Variants in BRWD1 observed in about 807,000 individuals in gnomAD.
BRWD1 encodes bromodomain and WD repeat-containing protein 1.
A neutral mutation model predicts 251.2 loss-of-function variants in BRWD1; 82 were observed. That is an observed-to-expected ratio of 0.33 (90% CI 0.27 to 0.39). BRWD1 has a LOEUF of 0.39. Ranked by LOEUF, BRWD1 falls within the 10% of genes least tolerant of loss-of-function variation. BRWD1 has a pLI of 1.00. For synonymous variants in BRWD1, 918 were observed against 902.8 expected (o/e 1.02, Z -0.30); for missense variants, 2,233 against 2,711.6 (o/e 0.82, Z 3.92).
At chr21:39,247,566 A>G in intron 21 of BRWD1, 135 bp downstream of exon 21, 1 of 972,924 alleles carries the variant, frequency 1.0e-6, no homozygotes, top group Non-Finnish European at 1.4e-6. Flanking sequence ...GTTAACATTC[A>G]AAATGTGAAA....
intron 17 of BRWD1, among the ~76,000 whole-genome samples, chr21:39,261,512 A>C (rs1443139722): frequency 6.6e-6 from 1 of 152,212 alleles, no homozygotes; most frequent in Non-Finnish European, 1.5e-5. Flanking sequence ...CTACAGTGCC[A>C]GAAGTTTATT....
At position 39,264,939 on chromosome 21, in the gene BRWD1, A is replaced by G. The variant is rs766208931; in HGVS notation, c.1611T>C (p.His537=). The change falls in exon 16 of 41, where the codon CAT becomes CAC. Residue 537 remains histidine, a synonymous_variant. Coordinates refer to ENST00000342449, the MANE Select transcript of BRWD1 (RefSeq NM_033656.4). The part of the protein sequence containing the change: ...DGQHFACTDS[H]GHLLIFGFGC... ...CAAAACCAAATATCAGAAGGTGCCC[A>G]TGAGAATCTGTACAGGCAAAATGCT... The G allele has an allele frequency of 5.6e-6, 9 of 1,614,000 alleles. No individual in the cohort carries two copies. The highest frequency in any genetic ancestry group is 6.8e-6 in the Non-Finnish European group (8 of 1,179,924).
chr21:39,255,004 T>C (rs1015737782), intron 19 of BRWD1, among the ~76,000 whole-genome samples: 2 of 152,240 alleles, frequency 1.3e-5, no homozygotes, highest in Non-Finnish European at 2.9e-5. Flanking sequence ...TTTTAAAATT[T>C]CTTATCTTTA....
At chr21:39,223,882 C>A (rs1428669337) in intron 29 of BRWD1, among the ~76,000 whole-genome samples, 1 of 152,166 alleles carries the variant, frequency 6.6e-6, no homozygotes, top group Non-Finnish European at 1.5e-5. Context: ...TGGAGTCTCG[C>A]TGTCGCCTAG....
intron 4 of BRWD1, among the ~76,000 whole-genome samples, chr21:39,301,990 T>TTG (rs2036133214): frequency 2.1e-5 from 3 of 141,204 alleles, no homozygotes; most frequent in South Asian, 2.4e-4. Flanking sequence ...TTTTTTTTTT[T>TTG]TTTTTTTTTT....
intron 19 of BRWD1, among the ~76,000 whole-genome samples, chr21:39,253,286 CAAAAAAAA>C (rs57456792): frequency 1.2e-5 from 1 of 83,822 alleles, no homozygotes; most frequent in African/African-American, 4.6e-5. Context: ...GAAACTGTCT[CAAAAAAAA>C]AAAAAAAAAA....
intron 37 of BRWD1, among the ~76,000 whole-genome samples, chr21:39,205,684 A>C (rs779517225): frequency 7.2e-5 from 11 of 152,170 alleles, no homozygotes; most frequent in Non-Finnish European, 1.6e-4. Flanking sequence ...AGGCAGGAGA[A>C]CTGCTTGACC....
At chr21:39,275,309 C>A (rs971470115) in intron 12 of BRWD1, among the ~76,000 whole-genome samples, 1 of 152,030 alleles carries the variant, frequency 6.6e-6, no homozygotes, top group African/African-American at 2.4e-5. Context: ...GGATATATCA[C>A]GGTGGTTTCT....
intron 5 of BRWD1, chr21:39,296,905 T>C (rs1467770986): frequency 5.1e-6 from 5 of 984,400 alleles, no homozygotes; most frequent in African/African-American, 1.7e-5. Context: ...CTTTGATTTA[T>C]ATGAAAATTC....
chr21:39,307,848 T>C (rs887529214), intron 4 of BRWD1, among the ~76,000 whole-genome samples: 1 of 152,220 alleles, frequency 6.6e-6, no homozygotes, highest in Non-Finnish European at 1.5e-5. Flanking sequence ...GGGTAGCTAA[T>C]TTCTTTCCTC....
chr21:39,244,921 A>AATATATATATACATATAT (rs1555859653), intron 21 of BRWD1, among the ~76,000 whole-genome samples: 1 of 112,524 alleles, frequency 8.9e-6, no homozygotes, highest in African/African-American at 3.0e-5. Flanking sequence ...CTTTGGAAGA[A>AATATATATATACATATAT]ATATATATAT....
intron 20 of BRWD1, 65 bp downstream of exon 20, chr21:39,250,731 T>G: frequency 9.6e-7 from 1 of 1,045,092 alleles, no homozygotes; most frequent in South Asian, 1.6e-5. Context: ...GTTTTATAAA[T>G]CAAAAAGAAA....
chr21:39,246,391 G>C (rs1410202980), intron 21 of BRWD1, among the ~76,000 whole-genome samples: 1 of 152,180 alleles, frequency 6.6e-6, no homozygotes, highest in African/African-American at 2.4e-5. Flanking sequence ...AGAGAAACTG[G>C]AACTCTCATA....
intron 8 of BRWD1, among the ~76,000 whole-genome samples, chr21:39,293,580 A>T (rs1328572790): frequency 6.6e-6 from 1 of 152,164 alleles, no homozygotes; most frequent in Non-Finnish European, 1.5e-5. Flanking sequence ...ATTGACACTC[A>T]TCCAGTTCAA....
intron 8 of BRWD1, among the ~76,000 whole-genome samples, chr21:39,291,296 C>G (rs1468725466): frequency 1.3e-5 from 2 of 152,042 alleles, no homozygotes; most frequent in Non-Finnish European, 1.5e-5. Context: ...AAAATTGAAC[C>G]ACCACCAGTT....
rs1389424205 is a variant in BRWD1, at chr21:39,199,002, G to A, written c.5414C>T (p.Thr1805Ile). ...PGRSGGRKYN[T>I]FHKNASFFKK... ...AAAGAAACTCGCATTCTTGTGAAAT[G>A]TATTGTATTTCCTACCACCAGATCT... The change falls in exon 40 of 41, where the codon ACA (threonine) becomes ATA (isoleucine). Residue 1805 changes from threonine to isoleucine, a missense_variant. By Grantham distance (89) the Thr-to-Ile change is moderately conservative. This residue lies in a region of BRWD1 where 928 missense variants were observed against 970.0 expected (regional missense o/e 0.96). Transcript: ENST00000342449. 1 of 1,613,950 alleles carries A rather than the reference G, an allele frequency of 6.2e-7. No homozygotes were observed. Among genetic ancestry groups the A allele is most frequent in the African/African-American group, 1.3e-5 (1 of 74,890 alleles).
intron 36 of BRWD1, among the ~76,000 whole-genome samples, chr21:39,208,625 T>C (rs556624197): frequency 2.0e-5 from 3 of 152,322 alleles, no homozygotes; most frequent in African/African-American, 7.2e-5. Flanking sequence ...TGATCTCAGC[T>C]CACTGCAACC....
At chr21:39,311,539 A>G (rs1260806610) in intron 4 of BRWD1, among the ~76,000 whole-genome samples, 2 of 152,234 alleles carry the variant, frequency 1.3e-5, no homozygotes, top group Non-Finnish European at 2.9e-5. Context: ...GTAGCACGAC[A>G]ACAGCGTCAT....
At chr21:39,237,274 C>T (rs769072520) in intron 22 of BRWD1, among the ~76,000 whole-genome samples, 5 of 152,098 alleles carry the variant, frequency 3.3e-5, no homozygotes, top group Admixed American at 6.5e-5. Context: ...AAACTGAAAG[C>T]CTTAAGTAGT....
Sources: allele counts gnomAD v4.1 joint callset (sites outside exome capture counted in the v4.1 genomes callset), GRCh38; gene constraint gnomAD v4.1.1; regional missense constraint gnomAD v4.1.1; transcripts MANE v1.5; gene names NCBI Gene and HGNC (gene_info 2026-07-23, HGNC 2026-07-21).